MAML3: variants seen among roughly 807,000 people sequenced by gnomAD.
MAML3 encodes the protein mastermind-like protein 3.
Under a neutral mutation model 101.9 loss-of-function variants are expected in MAML3, and 27 were observed. The ratio of observed to expected loss-of-function variants is 0.27; its 90% confidence interval spans 0.20 to 0.37. The LOEUF (loss-of-function observed/expected upper bound fraction) is 0.37. MAML3 is among the 10% of genes least tolerant of loss of function. The pLI, the probability that MAML3 is intolerant of heterozygous loss-of-function variation, is 1.00. For synonymous variants in MAML3, 501 were observed against 555.9 expected (o/e 0.90, Z 1.39); for missense variants, 1,316 against 1,444.9 (o/e 0.91, Z 1.45).
chr4:140,016,102 A>G (rs184250367), intron 1 of MAML3, among the ~76,000 whole-genome samples: 116 of 152,358 alleles, frequency 7.6e-4, no homozygotes, highest in African/African-American at 2.6e-3. Flanking sequence ...AACAGGATAC[A>G]AGATTAGCAT....
At chr4:140,131,647 T>C (rs1264026165) in intron 1 of MAML3, among the ~76,000 whole-genome samples, 1 of 152,202 alleles carries the variant, frequency 6.6e-6, no homozygotes. Context: ...TTGCTCTATT[T>C]CATTTTTTTC....
intron 2 of MAML3, among the ~76,000 whole-genome samples, chr4:139,872,391 C>T (rs561721958): frequency 2.6e-5 from 4 of 152,212 alleles, no homozygotes; most frequent in African/African-American, 4.8e-5. Flanking sequence ...AAAAGCCTGA[C>T]GGACTTAAAG....
intron 1 of MAML3, among the ~76,000 whole-genome samples, chr4:140,000,225 C>T (rs1310312705): frequency 6.6e-6 from 1 of 152,026 alleles, no homozygotes; most frequent in African/African-American, 2.4e-5. Flanking sequence ...TCAGTAAAGA[C>T]TGTTCATTAC....
intron 2 of MAML3, among the ~76,000 whole-genome samples, chr4:139,814,922 T>C (rs2111116318): frequency 6.6e-6 from 1 of 152,310 alleles, no homozygotes; most frequent in East Asian, 1.9e-4. Context: ...GCTATTTCCA[T>C]GGCTGTGCTA....
At chr4:140,087,545 T>C (rs958746914) in intron 1 of MAML3, among the ~76,000 whole-genome samples, 14 of 152,274 alleles carry the variant, frequency 9.2e-5, no homozygotes, top group African/African-American at 3.4e-4. Flanking sequence ...CTGGATATAT[T>C]GTACCCATTT....
At position 140,153,029 on chromosome 4, in the gene MAML3, A is replaced by G. The variant is rs943213017; in HGVS notation, c.299T>C (p.Val100Ala). 2 of 1,595,396 alleles carry G rather than the reference A, an allele frequency of 1.3e-6. No individual in the cohort carries two copies. The highest frequency in any genetic ancestry group is 2.7e-5 in the African/African-American group (2 of 74,378). The change falls in exon 1 of 5, where the codon GTG (valine) becomes GCG (alanine). Residue 100 changes from valine (V) to alanine (A), a missense_variant. Val to Ala is a moderately conservative substitution (Grantham distance 64). Transcript: ENST00000509479. ...NCENRYQQAQ[V>A]EQLELERRDT... ...CCGGCGCTCCAGCTCCAGCTGCTCC[A>G]CCTGAGCCTGCTGGTACCTGTTCTC...
intron 2 of MAML3, among the ~76,000 whole-genome samples, chr4:139,799,046 C>A (rs542333894): frequency 6.6e-6 from 1 of 152,300 alleles, no homozygotes; most frequent in South Asian, 2.1e-4. Context: ...AACTTATGGG[C>A]AAGGTTTTCA....
chr4:140,139,196 C>T (rs1283622285), intron 1 of MAML3, among the ~76,000 whole-genome samples: 3 of 152,136 alleles, frequency 2.0e-5, no homozygotes, highest in Non-Finnish European at 4.4e-5. Context: ...TCCCTTGAGC[C>T]CAGGAGTTGG....
chr4:139,731,435 T>TAAAAAAAAAAAAAAA (rs70943437), intron 2 of MAML3: 2 of 38,714 alleles, frequency 5.2e-5, no homozygotes, highest in Non-Finnish European at 1.0e-4. Context: ...CTGTCTCTAC[T>TAAAAAAAAAAAAAAA]AAAAAAAAAA....
intron 1 of MAML3, among the ~76,000 whole-genome samples, chr4:139,986,697 G>A (rs895765003): frequency 6.6e-6 from 1 of 151,696 alleles, no homozygotes; most frequent in African/African-American, 2.4e-5. Flanking sequence ...GAGGTGAACC[G>A]GAGAGCAAAC....
At chr4:139,861,926 C>A (rs1731791399) in intron 2 of MAML3, among the ~76,000 whole-genome samples, 1 of 152,102 alleles carries the variant, frequency 6.6e-6, no homozygotes, top group Non-Finnish European at 1.5e-5. Flanking sequence ...ATTATCAATG[C>A]CGGCTGGGTG....
intron 1 of MAML3, among the ~76,000 whole-genome samples, chr4:139,918,243 T>C (rs1161785395): frequency 6.6e-6 from 1 of 152,206 alleles, no homozygotes; most frequent in Non-Finnish European, 1.5e-5. Context: ...CAAATCCTTA[T>C]ATAGACTCCC....
At chr4:140,073,145 T>G (rs1727693426) in intron 1 of MAML3, among the ~76,000 whole-genome samples, 1 of 151,786 alleles carries the variant, frequency 6.6e-6, no homozygotes, top group Non-Finnish European at 1.5e-5. Flanking sequence ...TGTTTTCTTT[T>G]TTTTTTTTTT....
intron 1 of MAML3, among the ~76,000 whole-genome samples, chr4:139,982,466 G>A (rs897315376): frequency 3.3e-5 from 5 of 152,116 alleles, no homozygotes; most frequent in Admixed American, 3.3e-4. Context: ...TAGAAACCAA[G>A]GTCTGGGTCC....
chr4:140,102,359 TG>T (rs1166002394), intron 1 of MAML3, among the ~76,000 whole-genome samples: 2 of 152,214 alleles, frequency 1.3e-5, no homozygotes, highest in African/African-American at 4.8e-5. Flanking sequence ...CAGGGTGGCT[TG>T]AACAACAGAA....
At chr4:139,946,426 T>C (rs1733727866) in intron 1 of MAML3, among the ~76,000 whole-genome samples, 1 of 152,186 alleles carries the variant, frequency 6.6e-6, no homozygotes, top group Non-Finnish European at 1.5e-5. Context: ...AGCCTGACAA[T>C]GTGAATAATC....
chr4:140,149,000 T>C (rs968988254), intron 1 of MAML3, among the ~76,000 whole-genome samples: 1 of 152,184 alleles, frequency 6.6e-6, no homozygotes, highest in African/African-American at 2.4e-5. Flanking sequence ...TTTTAAAATT[T>C]TGAAAACTGT....
At chr4:139,943,863 A>AATTTTTTTTTTT (rs1560844242) in intron 1 of MAML3, among the ~76,000 whole-genome samples, 1 of 75,612 alleles carries the variant, frequency 1.3e-5, no homozygotes, top group Non-Finnish European at 2.6e-5. Flanking sequence ...CCTAAAGACA[A>AATTTTTTTTTTT]CTTTTTTTTT....
intron 1 of MAML3, among the ~76,000 whole-genome samples, chr4:140,011,170 T>TATAC (rs1726552767): frequency 1.8e-4 from 8 of 43,558 alleles, no homozygotes; most frequent in African/African-American, 5.5e-4. Context: ...ATATATGACA[T>TATAC]ATATGTCATA....
Sources: allele counts gnomAD v4.1 joint callset (sites outside exome capture counted in the v4.1 genomes callset), GRCh38; gene constraint gnomAD v4.1.1; transcripts MANE v1.5; gene names NCBI Gene and HGNC (gene_info 2026-07-23, HGNC 2026-07-21).